Variants in NCALD observed in about 807,000 individuals in gnomAD.
The protein encoded by NCALD is neurocalcin-delta.
A neutral mutation model predicts 18.6 loss-of-function variants in NCALD; 10 were observed. That is an observed-to-expected ratio of 0.54 (90% CI 0.33 to 0.91). NCALD has a LOEUF of 0.91. NCALD is among the 40% of genes least tolerant of loss of function. The probability of loss-of-function intolerance (pLI) is 0.03; values close to 1 mark genes in which losing one functional copy is unlikely to be tolerated. For synonymous variants in NCALD, 88 were observed against 87.4 expected (o/e 1.01, Z -0.04); for missense variants, 184 against 247.6 (o/e 0.74, Z 1.72).
At chr8:102,020,320 A>G (rs1822230388) in intron 1 of NCALD, 1 of 152,222 alleles carries the variant, frequency 6.6e-6, no homozygotes, top group African/African-American at 2.4e-5. Flanking sequence ...GTCTTAGCTT[A>G]TCAGGAACTA....
chr8:101,759,432 C>G (rs556378799), intron 1 of NCALD, among the ~76,000 whole-genome samples: 17 of 152,188 alleles, frequency 1.1e-4, no homozygotes, highest in African/African-American at 4.1e-4. Flanking sequence ...ACAGGGATTG[C>G]TTTTAATATC....
At chr8:101,787,395 C>T (rs535607829) in intron 1 of NCALD, among the ~76,000 whole-genome samples, 15 of 152,174 alleles carry the variant, frequency 9.9e-5, no homozygotes, top group Middle Eastern at 3.4e-3. Flanking sequence ...ATTTCAAATG[C>T]GAGGGATTTG....
At position 101,966,148 on chromosome 8, in the gene NCALD, T is replaced by C. The variant is rs568788711; in HGVS notation, c.-156-50290A>G. On this transcript the variant is annotated intron_variant, in intron 2 of 6. Transcript: ENST00000311028. ...TATTTCACAAAATACAAAGTATCAGTAAAATAAAATAGTTTAACTCAATGG... is the reference window on the plus strand; with the variant it reads ...TATTTCACAAAATACAAAGTATCAGCAAAATAAAATAGTTTAACTCAATGG... Among the ~76,000 whole-genome samples, 10 of 149,852 alleles carry C rather than the reference T, an allele frequency of 6.7e-5. No homozygotes were observed. The South Asian group carries it at 1.9e-3, about 28-fold the overall frequency.
chr8:101,834,838 G>C (rs955708071), intron 4 of NCALD, among the ~76,000 whole-genome samples: 1 of 152,176 alleles, frequency 6.6e-6, no homozygotes, highest in East Asian at 1.9e-4. Flanking sequence ...TATCAAGTGT[G>C]GCTGGTTTTA....
intron 2 of NCALD, among the ~76,000 whole-genome samples, chr8:101,715,507 G>A (rs1816034060): frequency 6.6e-6 from 1 of 152,108 alleles, no homozygotes; most frequent in African/African-American, 2.4e-5. Context: ...CACAGCAAAA[G>A]AAACTATCAT....
At chr8:101,933,804 G>A (rs1818661450) in intron 2 of NCALD, among the ~76,000 whole-genome samples, 1 of 152,192 alleles carries the variant, frequency 6.6e-6, no homozygotes, top group Non-Finnish European at 1.5e-5. Context: ...CAATGGGATA[G>A]GATGTGCAGG....
chr8:101,999,073 CAAAAAA>C (rs34227411), intron 2 of NCALD, among the ~76,000 whole-genome samples: 2 of 79,370 alleles, frequency 2.5e-5, no homozygotes, highest in African/African-American at 4.8e-5. Flanking sequence ...CACTCACCAT[CAAAAAA>C]AAAAAAAAAA....
At chr8:101,909,975 TG>T (rs888164032) in intron 3 of NCALD, among the ~76,000 whole-genome samples, 4 of 152,170 alleles carry the variant, frequency 2.6e-5, no homozygotes, top group African/African-American at 9.7e-5. Context: ...TTGCCTATCA[TG>T]GTGCCTAGAA....
chr8:101,708,510 C>T (rs1043848981), intron 2 of NCALD, among the ~76,000 whole-genome samples: 1 of 152,222 alleles, frequency 6.6e-6, no homozygotes, highest in Non-Finnish European at 1.5e-5. Context: ...CCTGTCCCAG[C>T]TCTGGAAATT....
At chr8:102,062,719 C>T (rs1823887603) in intron 1 of NCALD, among the ~76,000 whole-genome samples, 1 of 152,204 alleles carries the variant, frequency 6.6e-6, no homozygotes, top group Non-Finnish European at 1.5e-5. Context: ...GTCTGTCATC[C>T]TCTTTGAACC....
intron 1 of NCALD, among the ~76,000 whole-genome samples, chr8:102,086,619 A>G (rs769078643): frequency 6.6e-6 from 1 of 152,122 alleles, no homozygotes; most frequent in Admixed American, 6.5e-5. Context: ...TCCATCCTCT[A>G]TAAGTGTAAT....
chr8:101,972,804 C>T (rs1312159267), intron 2 of NCALD, among the ~76,000 whole-genome samples: 5 of 152,164 alleles, frequency 3.3e-5, no homozygotes, highest in Admixed American at 6.5e-5. Context: ...ATTCAGCTGT[C>T]CTGAGCTAGG....
intron 1 of NCALD, among the ~76,000 whole-genome samples, chr8:101,721,541 G>A (rs572692527): frequency 2.0e-5 from 3 of 152,342 alleles, no homozygotes; most frequent in Non-Finnish European, 2.9e-5. Flanking sequence ...TGGTGGTTAA[G>A]ACTTGAGCTT....
chr8:102,031,499 G>A (rs1278907793), intron 1 of NCALD, among the ~76,000 whole-genome samples: 4 of 152,102 alleles, frequency 2.6e-5, no homozygotes, highest in Non-Finnish European at 2.9e-5. Context: ...TGGCCTGAAC[G>A]GTAGTTACAA....
chr8:101,870,592 A>C (rs560340514), intron 4 of NCALD, among the ~76,000 whole-genome samples: 90 of 152,332 alleles, frequency 5.9e-4, no homozygotes, highest in Admixed American at 3.3e-3. Flanking sequence ...ACACCCATGC[A>C]GTGAATTCCC....
chr8:101,864,752 G>A (rs888875452), intron 4 of NCALD, among the ~76,000 whole-genome samples: 4 of 151,938 alleles, frequency 2.6e-5, no homozygotes, highest in South Asian at 2.1e-4. Context: ...CCAACACTAC[G>A]CCCAGCTAGT....
chr8:102,032,873 G>A lies in NCALD; in HGVS notation c.-209-12584C>T, dbSNP rs1822728908. On this transcript the variant is annotated intron_variant, in intron 1 of 6. Coordinates refer to the NCALD transcript ENST00000311028. Reference sequence around the variant, plus strand: ...GAGTGGTCATGACAGTAATCAATGAGTCTATGTGTAGGCTCACCAAGTGAA... The same window carrying A: ...GAGTGGTCATGACAGTAATCAATGAATCTATGTGTAGGCTCACCAAGTGAA... Among the ~76,000 whole-genome samples, 2 of 152,096 alleles carry A rather than the reference G, an allele frequency of 1.3e-5. 1 individual carries two copies. The highest frequency in any genetic ancestry group is 4.1e-4 in the South Asian group (2 of 4,832).
chr8:101,917,566 C>A (rs1818013150), intron 2 of NCALD, among the ~76,000 whole-genome samples: 1 of 151,286 alleles, frequency 6.6e-6, no homozygotes, highest in Admixed American at 6.6e-5. Flanking sequence ...AAAGGATAAA[C>A]AAGATTGATA....
chr8:102,013,705 G>T (rs1821984792), intron 2 of NCALD, among the ~76,000 whole-genome samples: 1 of 152,114 alleles, frequency 6.6e-6, no homozygotes, highest in African/African-American at 2.4e-5. Flanking sequence ...TTGACTTCAT[G>T]TCTCTCACTA....
Sources: gnomAD v4.1 joint callset for allele counts (sites outside exome capture counted in the v4.1 genomes callset) on GRCh38, gnomAD v4.1.1 for gene constraint, MANE v1.5 for transcripts, NCBI Gene and HGNC (gene_info 2026-07-23, HGNC 2026-07-21) for gene names.